Variants in PHC2 observed in about 807,000 individuals in gnomAD.
PHC2 encodes the protein polyhomeotic homolog 2.
PHC2 carries 29 observed loss-of-function variants against 87.4 expected under a neutral mutation model. The ratio of observed to expected loss-of-function variants is 0.33; its 90% confidence interval spans 0.25 to 0.45. The LOEUF (loss-of-function observed/expected upper bound fraction) is 0.45. PHC2 is among the 20% of genes least tolerant of loss of function. PHC2 has a pLI of 1.00. For missense variants in PHC2, 857 were observed against 1,136.7 expected (o/e 0.75, Z 3.54); for synonymous variants, 438 against 461.7 (o/e 0.95, Z 0.66).
intron 9 of PHC2, chr1:33,345,762 GTTGA>G (rs1366155614): frequency 1.0e-5 from 10 of 985,002 alleles, no homozygotes; most frequent in East Asian, 1.1e-4. Context: ...TATGCAAATG[GTTGA>G]TTATTTTCCT....
intron 1 of PHC2, among the ~76,000 whole-genome samples, chr1:33,396,916 A>G (rs4652871): frequency 0.72 from 109,069 of 152,134 alleles, 39,869 homozygotes; most frequent in African/African-American, 0.86. Flanking sequence ...AGCACTTCCT[A>G]TGGTGTTCAC....
chr1:33,363,665 G>A (rs887861757), intron 7 of PHC2: 22 of 815,100 alleles, frequency 2.7e-5, no homozygotes, highest in African/African-American at 3.7e-5. Context: ...AAAGGGCCCT[G>A]GCTTTTCAAC....
rs34887101 is a variant in PHC2 at position 33,403,123 on chromosome 1, C to CTTT, written c.-54-27533_-54-27531dup. On this transcript the variant is annotated intron_variant, in intron 1 of 14. Coordinates refer to ENST00000683057, the MANE Select transcript of PHC2 (RefSeq NM_001385109.1). ...GGCGTGAGCCACTGCGCCCGGCCCA[C>CTTT]TTTTTTTTTTTTTTTTTTTTTTGAG... Among the ~76,000 whole-genome samples the CTTT allele has an allele frequency of 3.5e-3, 264 of 74,620 alleles. 10 individuals carry two copies. Among genetic ancestry groups the CTTT allele is most frequent in the South Asian group, 8.7e-3 (15 of 1,716 alleles). The allele number at this position is 74,620 out of a possible 152,430, so 49.0% of individuals were successfully genotyped here. A position where few individuals can be genotyped will look rare whatever the true frequency, so the allele number is the denominator to read the frequency against.
chr1:33,363,727 C>T (rs576083196), intron 7 of PHC2: 2 of 984,640 alleles, frequency 2.0e-6, no homozygotes, highest in East Asian at 1.1e-4. Context: ...CAGCAACTTT[C>T]TCCTCACCTT....
chr1:33,419,855 C>A (rs915989992), intron 1 of PHC2, among the ~76,000 whole-genome samples: 1 of 151,926 alleles, frequency 6.6e-6, no homozygotes, highest in Non-Finnish European at 1.5e-5. Flanking sequence ...GTGATCCACC[C>A]GCCTCGGCCT....
chr1:33,367,341 C>A lies in PHC2; in HGVS notation c.751G>T (p.Ala251Ser). ...TPTQPVLPSL[A>S]LKPTPGGSQP... ...CTACCGCCCGGCGTGGGTTTCAGGG[C>A]CAAGCTGGGCAGGACAGGCTGAGTG... is the stretch of plus-strand genomic sequence containing the variant. Residue 251 changes from alanine (A) to serine (S), a missense_variant, in exon 7 of 15, where the codon GCC (alanine) becomes TCC (serine). Ala to Ser is a moderately conservative substitution (Grantham distance 99). Transcript: ENST00000683057. 1.2e-6 allele frequency: 2 copies of A among 1,613,048 alleles called. No individual in the cohort carries two copies. Among genetic ancestry groups the A allele is most frequent in the Non-Finnish European group, 1.7e-6 (2 of 1,179,322 alleles).
chr1:33,415,227 G>C (rs546562718), intron 1 of PHC2, among the ~76,000 whole-genome samples: 1 of 152,170 alleles, frequency 6.6e-6, no homozygotes, highest in Admixed American at 6.5e-5. Flanking sequence ...GGCCTCCCTA[G>C]AGTCTTTGAC....
chr1:33,429,726 T>C (rs1650821878), intron 1 of PHC2, among the ~76,000 whole-genome samples: 1 of 152,272 alleles, frequency 6.6e-6, no homozygotes, highest in Non-Finnish European at 1.5e-5. Flanking sequence ...GTGCCTGGCA[T>C]ATGCCAAGTA....
intron 1 of PHC2, among the ~76,000 whole-genome samples, chr1:33,421,230 G>A (rs1361549893): frequency 6.6e-6 from 1 of 152,110 alleles, no homozygotes; most frequent in Non-Finnish European, 1.5e-5. Context: ...AGAAAATAAT[G>A]TAGTCTACAA....
At chr1:33,341,589 C>T (rs1557823290) in intron 9 of PHC2, among the ~76,000 whole-genome samples, 1 of 152,160 alleles carries the variant, frequency 6.6e-6, no homozygotes, top group Non-Finnish European at 1.5e-5. Context: ...ATAATATATA[C>T]CTTCAGGAGG....
intron 9 of PHC2, among the ~76,000 whole-genome samples, chr1:33,337,570 C>T (rs6696096): frequency 0.4 from 60,923 of 151,952 alleles, 13,819 homozygotes; most frequent in African/African-American, 0.64. Flanking sequence ...AAGGATCCTA[C>T]GCCTACCTTA....
Position 33,369,462 on chromosome 1 carries a change from G to A in PHC2, c.577-840C>T, listed in dbSNP as rs1570492191. 6.6e-6 allele frequency among the ~76,000 whole-genome samples: 1 copy of A among 152,222 alleles called. No homozygotes were observed. Among genetic ancestry groups the A allele is most frequent in the African/African-American group, 2.4e-5 (1 of 41,448 alleles). ...GACAAGCAACCTGCAGACACAGTCA[G>A]CTTTGGGCAGCAGCATCACAGTGTG... On this transcript the variant is annotated intron_variant, in intron 5 of 14. Coordinates refer to ENST00000683057, the MANE Select transcript of PHC2 (RefSeq NM_001385109.1). The surrounding 1 kb of genome is among the most constrained non-coding windows in gnomAD (Gnocchi z 4.7).
At chr1:33,403,616 T>C (rs929933891) in intron 1 of PHC2, among the ~76,000 whole-genome samples, 1 of 152,192 alleles carries the variant, frequency 6.6e-6, no homozygotes, top group African/African-American at 2.4e-5. Flanking sequence ...ATACATTTCA[T>C]GGTAAAGAAA....
At chr1:33,376,802 G>A (rs569885835) in intron 1 of PHC2, among the ~76,000 whole-genome samples, 5 of 152,294 alleles carry the variant, frequency 3.3e-5, no homozygotes, top group East Asian at 1.9e-4. Flanking sequence ...GGTGGTGTGC[G>A]CCTGTGGTCC....
chr1:33,330,422 C>G (rs866404386), intron 12 of PHC2, among the ~76,000 whole-genome samples: 1 of 152,180 alleles, frequency 6.6e-6, no homozygotes, highest in African/African-American at 2.4e-5. Flanking sequence ...GGGGGTAATA[C>G]CACTCACTTT....
At chr1:33,381,698 A>G (rs1175493628) in intron 1 of PHC2, among the ~76,000 whole-genome samples, 1 of 150,904 alleles carries the variant, frequency 6.6e-6, no homozygotes, top group African/African-American at 2.4e-5. Flanking sequence ...CACTGGGTGA[A>G]GTCCGTGTCA....
chr1:33,416,306 GCC>G (rs1557848581), intron 1 of PHC2, among the ~76,000 whole-genome samples: 2 of 151,704 alleles, frequency 1.3e-5, no homozygotes, highest in Non-Finnish European at 2.9e-5. Flanking sequence ...GGTGGCTCAC[GCC>G]TGTAATCCTA....
chr1:33,395,074 A>C (rs1049880310), intron 1 of PHC2, among the ~76,000 whole-genome samples: 2 of 152,256 alleles, frequency 1.3e-5, no homozygotes, highest in Admixed American at 6.5e-5. Flanking sequence ...AATAGCCCCC[A>C]AACCTGTGGT....
intron 1 of PHC2, among the ~76,000 whole-genome samples, chr1:33,424,821 C>T (rs1650602601): frequency 6.6e-6 from 1 of 152,112 alleles, no homozygotes; most frequent in Admixed American, 6.6e-5. Flanking sequence ...AGATTCTTAT[C>T]CAGCCATAAT....
Sources: allele counts gnomAD v4.1 joint callset (sites outside exome capture counted in the v4.1 genomes callset), GRCh38; gene constraint gnomAD v4.1.1; non-coding constraint Gnocchi (gnomAD v3.1); transcripts MANE v1.5; gene names NCBI Gene and HGNC (gene_info 2026-07-23, HGNC 2026-07-21).